The following STK11 variants were observed in gnomAD, a reference collection of about 807,000 sequenced individuals.
STK11 encodes serine/threonine-protein kinase STK11.
STK11 carries 8 observed loss-of-function variants against 47.3 expected under a neutral mutation model. That is an observed-to-expected ratio of 0.17 (90% CI 0.10 to 0.31). The LOEUF (loss-of-function observed/expected upper bound fraction) is 0.31. Ranked by LOEUF, STK11 falls within the 10% of genes least tolerant of loss-of-function variation. STK11 has a pLI of 1.00. For missense variants in STK11, 475 were observed against 605.0 expected (o/e 0.79, Z 2.25); for synonymous variants, 330 against 255.8 (o/e 1.29, Z -2.77).
rs1599914720 is a variant in STK11, at chr19:1,206,924, T to C, written c.11T>C (p.Val4Ala). 6.3e-7 allele frequency: 1 copy of C among 1,583,014 alleles called. No individual in the cohort carries two copies. Among genetic ancestry groups the C allele is most frequent in the Non-Finnish European group, 8.6e-7 (1 of 1,165,292 alleles). The stretch of plus-strand genomic sequence containing the variant: ...GACCCTGGGTCCAGCATGGAGGTGG[T>C]GGACCCGCAGCAGCTGGGCATGTTC... MEV[V>A]DPQQLGMFTE... Residue 4 changes from valine to alanine, a missense_variant, in exon 1 of 10, where the codon GTG becomes GCG. Val to Ala is a moderately conservative substitution (Grantham distance 64). This residue lies in a region of STK11 where 33 missense variants were observed against 26.8 expected (regional missense o/e 1.23). Coordinates refer to ENST00000326873, the MANE Select transcript of STK11 (RefSeq NM_000455.5).
In STK11 at chr19:1,227,633, T is replaced by A. The variant is rs1319678881; in HGVS notation, c.*57T>A. 4 of 1,067,042 alleles carry A rather than the reference T, an allele frequency of 3.7e-6. No individual in the cohort carries two copies. In the African/African-American group the frequency reaches 6.6e-5, roughly 17 times the overall value. The allele number at this position is 1,067,042 out of a possible 1,614,324, so 66.1% of individuals were successfully genotyped here. A position where few individuals can be genotyped will look rare whatever the true frequency, so the allele number is the denominator to read the frequency against. Reference sequence around the variant, plus strand: ...CCCGCCAGGTGCCCGCGCCAGGCCCTCAGTCTTCCTGCCGGTTCCGCCCGC... The same window carrying A: ...CCCGCCAGGTGCCCGCGCCAGGCCCACAGTCTTCCTGCCGGTTCCGCCCGC... On this transcript the variant is annotated 3_prime_UTR_variant, in exon 10 of 10. Coordinates refer to ENST00000326873, the MANE Select transcript of STK11 (RefSeq NM_000455.5).
intron 9 of STK11, chr19:1,227,109 C>T: frequency 5.6e-6 from 1 of 177,488 alleles, no homozygotes; most frequent in South Asian, 1.2e-4. Flanking sequence ...GGCTCTGAGC[C>T]AGCTGCCAAG....
intron 7 of STK11, among the ~76,000 whole-genome samples, chr19:1,222,753 C>T (rs1432340426): frequency 6.6e-6 from 1 of 152,202 alleles, no homozygotes; most frequent in South Asian, 2.1e-4. Flanking sequence ...CTGAGTGCCA[C>T]CTGGGACACA....
chr19:1,227,400 GC>G, intron 9 of STK11, 192 bp from the exon 10 acceptor site: 1 of 422,748 alleles, frequency 2.4e-6, no homozygotes, highest in South Asian at 1.0e-4. Context: ...AGCCCGCCAG[GC>G]CCCACTGCAA....
chr19:1,227,837 C>T lies in STK11; in HGVS notation c.*261C>T, dbSNP rs1054219411. The T allele has an allele frequency of 7.2e-5, 77 of 1,070,992 alleles. No individual in the cohort carries two copies. In the Middle Eastern group the frequency reaches 2.5e-3, roughly 35 times the overall value. 66.3% of individuals were successfully genotyped at this position (1,070,992 alleles called of 1,614,324 possible). On this transcript the variant is annotated 3_prime_UTR_variant, in exon 10 of 10. Coordinates refer to ENST00000326873, the MANE Select transcript of STK11 (RefSeq NM_000455.5). ...CCCGGGCGGAGCCTTCCCGGGCGGG[C>T]GTGGGAGGAGGGAGGCGGCCTCCAT...
At chr19:1,208,382 A>C (rs1453505773) in intron 1 of STK11, among the ~76,000 whole-genome samples, 4 of 144,034 alleles carry the variant, frequency 2.8e-5, no homozygotes, top group African/African-American at 1.0e-4. Flanking sequence ...AACTGGGCTC[A>C]CTGCAAGCTC....
rs970563770 is a variant in STK11, at chr19:1,217,520, C to G, written c.291-897C>G. Among the ~76,000 whole-genome samples, 5 of 151,972 alleles carry G rather than the reference C, an allele frequency of 3.3e-5. No homozygotes were observed. In the South Asian group the frequency reaches 1.0e-3, roughly 31 times the overall value. On this transcript the variant is annotated intron_variant, in intron 1 of 9. Coordinates refer to ENST00000326873, the MANE Select transcript of STK11 (RefSeq NM_000455.5). Reference sequence around the variant, plus strand: ...CGGCAGCTGCAGAGGGGGCTGTGCTCTCTGGCCTGTTGTGCCCCACCCTTG... The same window carrying G: ...CGGCAGCTGCAGAGGGGGCTGTGCTGTCTGGCCTGTTGTGCCCCACCCTTG...
intron 1 of STK11, among the ~76,000 whole-genome samples, chr19:1,212,840 G>A (rs1194976470): frequency 2.0e-5 from 3 of 151,666 alleles, no homozygotes; most frequent in East Asian, 2.0e-4. Context: ...CACTGTGCCC[G>A]GCCCACCTTT....
At chr19:1,208,806 A>G (rs182778734) in intron 1 of STK11, among the ~76,000 whole-genome samples, 3,216 of 127,648 alleles carry the variant, frequency 0.025, 73 homozygotes, top group Middle Eastern at 0.042. Context: ...TTTTTTTAGT[A>G]GAGACGGGGT....
chr19:1,227,965 G>A lies in STK11; in HGVS notation c.*389G>A. The A allele has an allele frequency of 9.3e-7, 1 of 1,069,702 alleles. No homozygotes were observed. Among genetic ancestry groups the A allele is most frequent in the Non-Finnish European group, 1.1e-6 (1 of 881,936 alleles). 66.3% of individuals were successfully genotyped at this position (1,069,702 alleles called of 1,614,324 possible). A position where few individuals can be genotyped will look rare whatever the true frequency, so the allele number is the denominator to read the frequency against. ...CCGCAGACCAGCTGGCGGGTGTGGA[G>A]ACCAGGCTCCTGACCCCGCCATGCA... On this transcript the variant is annotated 3_prime_UTR_variant, in exon 10 of 10. Transcript: ENST00000326873.
At chr19:1,224,797 C>T (rs1165104865) in intron 8 of STK11, 1 of 985,580 alleles carries the variant, frequency 1.0e-6, no homozygotes, top group Non-Finnish European at 1.2e-6. Flanking sequence ...GGCCGCCAGA[C>T]CACTCGGCAT....
chr19:1,224,228 G>A (rs543061985), intron 8 of STK11: 1 of 985,324 alleles, frequency 1.0e-6, no homozygotes, highest in Non-Finnish European at 1.2e-6. Context: ...CCAGGAGGAT[G>A]CAGCATGTGG....
intron 8 of STK11, chr19:1,223,816 T>TC: frequency 9.7e-7 from 1 of 1,032,238 alleles, no homozygotes; most frequent in Non-Finnish European, 1.2e-6. Flanking sequence ...CCCGCCATGC[T>TC]CCCGGCTTGG....
chr19:1,221,423 G>A (rs986595718), intron 6 of STK11, 83 bp downstream of exon 6: 5 of 1,474,320 alleles, frequency 3.4e-6, no homozygotes, highest in Admixed American at 4.6e-5. Flanking sequence ...GTCAGGTGGG[G>A]GGCTATTGGC....
intron 8 of STK11, chr19:1,226,221 G>C: frequency 7.3e-7 from 1 of 1,377,694 alleles, no homozygotes; most frequent in Non-Finnish European, 9.4e-7. Flanking sequence ...CAACAGACGT[G>C]GTGGAGGGGA....
intron 1 of STK11, among the ~76,000 whole-genome samples, chr19:1,207,716 T>TCAGTCAG (rs2080677901): frequency 1.3e-5 from 2 of 152,326 alleles, no homozygotes; most frequent in Admixed American, 1.3e-4. Context: ...CACCGGCTTA[T>TCAGTCAG]CAGTCAGCAG....
At chr19:1,225,602 G>A in intron 8 of STK11, 3 of 985,530 alleles carry the variant, frequency 3.0e-6, no homozygotes, top group Non-Finnish European at 3.6e-6. Flanking sequence ...GACTTCCTGT[G>A]CACATGGGGT....
chr19:1,226,891 G>T, intron 9 of STK11: 1 of 552,680 alleles, frequency 1.8e-6, no homozygotes, highest in South Asian at 2.6e-5. Context: ...CGTGTGGCGG[G>T]GCTCTGGGGG....
intron 8 of STK11, 113 bp downstream of exon 8, chr19:1,223,285 T>G: frequency 7.8e-7 from 1 of 1,289,370 alleles, no homozygotes; most frequent in South Asian, 1.4e-5. Context: ...TGGTGGCCAA[T>G]CCCACGTCCC....
Sources: gnomAD v4.1 joint callset for allele counts (sites outside exome capture counted in the v4.1 genomes callset) on GRCh38, gnomAD v4.1.1 for gene constraint, gnomAD v4.1.1 regional missense constraint, MANE v1.5 for transcripts, NCBI Gene and HGNC (gene_info 2026-07-23, HGNC 2026-07-21) for gene names.